Variants in STX16 observed in about 807,000 individuals in gnomAD.
STX16 encodes syntaxin-16.
Under a neutral mutation model 42.7 loss-of-function variants are expected in STX16, and 28 were observed. The observed-to-expected ratio is 0.66, with a 90% CI of 0.49 to 0.90. The LOEUF (loss-of-function observed/expected upper bound fraction) is 0.90. Ranked by LOEUF, STX16 falls within the 40% of genes least tolerant of loss-of-function variation. The pLI, the probability that STX16 is intolerant of heterozygous loss-of-function variation, is 0.00. For missense variants in STX16, 361 were observed against 420.9 expected (o/e 0.86, Z 1.24); for synonymous variants, 156 against 155.2 (o/e 1.00, Z -0.04).
chr20:58,667,240 G>A (rs1040692636), intron 2 of STX16: 4 of 590,020 alleles, frequency 6.8e-6, no homozygotes, highest in Non-Finnish European at 1.3e-5. Context: ...TATGTCCAAG[G>A]AAATTAAGAG....
intron 2 of STX16, among the ~76,000 whole-genome samples, chr20:58,662,491 A>C (rs1295586669): frequency 6.6e-6 from 1 of 152,130 alleles, no homozygotes; most frequent in East Asian, 1.9e-4. Context: ...AAGTGTTTTT[A>C]TCTCTATATT....
chr20:58,659,691 C>T, intron 2 of STX16, 57 bp downstream of exon 2: 1 of 1,580,522 alleles, frequency 6.3e-7, no homozygotes, highest in Non-Finnish European at 8.7e-7. Context: ...AAAATACCTA[C>T]TTTTCCTGAA....
chr20:58,651,970 G>C lies in STX16; in HGVS notation c.-37G>C. The stretch of plus-strand genomic sequence containing the variant: ...GAATAAATCAGGAATATAAGTGGGC[G>C]GGGGGCCCCTGAGAGGGGGGTCGCA... On this transcript the variant is annotated 5_prime_UTR_variant, in exon 1 of 9. Coordinates refer to ENST00000371141, the MANE Select transcript of STX16 (RefSeq NM_001001433.3). 1 of 1,607,964 alleles carries C rather than the reference G, an allele frequency of 6.2e-7. No individual in the cohort carries two copies. Among genetic ancestry groups the C allele is most frequent in the Non-Finnish European group, 8.5e-7 (1 of 1,174,944 alleles).
rs868581370 is a variant in STX16 at position 58,657,117 on chromosome 20, A to T, written c.133-2506A>T. Among the ~76,000 whole-genome samples the T allele has an allele frequency of 6.6e-6, 1 of 152,212 alleles. No individual in the cohort carries two copies. The highest frequency in any genetic ancestry group is 1.5e-5 in the Non-Finnish European group (1 of 68,026). ...GGAAAATGGAAGGACCTATTGTTTT[A>T]AAACAATTTTTTTTCTTGCAATAGG... On this transcript the variant is annotated intron_variant, in intron 1 of 8. Coordinates refer to ENST00000371141, the MANE Select transcript of STX16 (RefSeq NM_001001433.3). The surrounding 1 kb of genome is among the most constrained non-coding windows in gnomAD (Gnocchi z 4.2).
chr20:58,673,770 G>C (rs544445128), intron 8 of STX16, 59 bp downstream of exon 8: 1 of 1,239,266 alleles, frequency 8.1e-7, no homozygotes, highest in East Asian at 2.4e-5. Context: ...ATCAAGAATT[G>C]GTAAGAGGGT....
chr20:58,661,937 T>C (rs2083710240), intron 2 of STX16, among the ~76,000 whole-genome samples: 1 of 152,222 alleles, frequency 6.6e-6, no homozygotes, highest in Non-Finnish European at 1.5e-5. Context: ...CTTCAGAGGC[T>C]TCCTGCAGTC....
chr20:58,675,125 G>A (rs1237509643), intron 8 of STX16, among the ~76,000 whole-genome samples: 1 of 152,172 alleles, frequency 6.6e-6, no homozygotes, highest in South Asian at 2.1e-4. Flanking sequence ...TAGTCTAAGG[G>A]TGATTGAGCG....
rs541653755 is a variant in STX16, at chr20:58,665,939, T to A, written c.145-1551T>A. ...AACCACTCCAGGGCATGCAGGGAGG[T>A]TGATGGTGAAGATACCAATTTGCTT... On this transcript the variant is annotated intron_variant, in intron 2 of 8. Transcript: ENST00000371141. Among the ~76,000 whole-genome samples, 3 of 152,142 alleles carry A rather than the reference T, an allele frequency of 2.0e-5. No homozygotes were observed. In the East Asian group the frequency reaches 5.8e-4, roughly 29 times the overall value.
At chr20:58,659,702 G>A (rs2083655283) in intron 2 of STX16, 68 bp downstream of exon 2, 1 of 1,546,362 alleles carries the variant, frequency 6.5e-7, no homozygotes. Context: ...TTTTCCTGAA[G>A]TCTTTGCTCA....
rs1290024805 is a variant in STX16 at position 58,667,569 on chromosome 20, C to T, written c.224C>T (p.Pro75Leu). 6 of 1,614,026 alleles carry T rather than the reference C, an allele frequency of 3.7e-6. No individual in the cohort carries two copies. In the East Asian group the frequency reaches 8.9e-5, roughly 24 times the overall value. ...GCGATTGGTGTGACAAAACGGCCAC[C>T]TCCTAAGTGGGTGGATGGAGTGGAT... ...EAAIGVTKRP[P>L]PKWVDGVDEI... Residue 75 changes from proline to leucine, a missense_variant, in exon 3 of 9, where the codon CCT becomes CTT. Physicochemically the swap from Pro to Leu is moderately conservative, Grantham distance 98. Coordinates refer to ENST00000371141, the MANE Select transcript of STX16 (RefSeq NM_001001433.3).
intron 2 of STX16, among the ~76,000 whole-genome samples, chr20:58,666,031 G>A (rs1469902246): frequency 6.6e-6 from 1 of 152,054 alleles, no homozygotes; most frequent in Admixed American, 6.6e-5. Context: ...TTTATTCTAA[G>A]TTTTTCTTTA....
intron 2 of STX16, among the ~76,000 whole-genome samples, chr20:58,663,607 C>A (rs547100443): frequency 6.6e-6 from 1 of 151,876 alleles, no homozygotes; most frequent in Admixed American, 6.6e-5. Flanking sequence ...ATTCTTAATT[C>A]TCTTAAGTAC....
rs80065704 is a variant in STX16 at position 58,654,815 on chromosome 20, A to G, written c.132+2677A>G. Among the ~76,000 whole-genome samples the G allele has an allele frequency of 2.2e-4, 34 of 152,342 alleles. No individual in the cohort carries two copies. The East Asian group carries it at 6.4e-3, about 29-fold the overall frequency. On this transcript the variant is annotated intron_variant, in intron 1 of 8. Transcript: ENST00000371141. Reference sequence around the variant, plus strand: ...TGAAATGTTTAGTGGTGAAATGTCAAGGCATCTTACCTAAGTCCTTAAACC... The same window carrying G: ...TGAAATGTTTAGTGGTGAAATGTCAGGGCATCTTACCTAAGTCCTTAAACC...
intron 3 of STX16, 131 bp downstream of exon 3, chr20:58,667,728 G>T: frequency 1.1e-6 from 1 of 930,694 alleles, no homozygotes; most frequent in Admixed American, 2.2e-5. Flanking sequence ...TTAGCTTTAG[G>T]TTAAGTTGTC....
At chr20:58,669,622 C>G (rs967711620) in intron 5 of STX16, among the ~76,000 whole-genome samples, 169 bp downstream of exon 5, 1 of 152,174 alleles carries the variant, frequency 6.6e-6, no homozygotes, top group Non-Finnish European at 1.5e-5. Context: ...GAAACCCTGG[C>G]TTGGAATGAA....
At chr20:58,671,121 A>G in intron 6 of STX16, 33 bp from the exon 7 acceptor site, 1 of 1,567,082 alleles carries the variant, frequency 6.4e-7, no homozygotes, top group South Asian at 1.2e-5. Flanking sequence ...AGGGAAAACA[A>G]TCTATCCAAC....
At chr20:58,676,147 TG>T (rs1482763960) in intron 8 of STX16, 39 bp from the exon 9 acceptor site, 1 of 1,562,902 alleles carries the variant, frequency 6.4e-7, no homozygotes, top group Admixed American at 1.7e-5. Flanking sequence ...TTTGGGATTT[TG>T]GGGAAAATGA....
intron 6 of STX16, 26 bp from the exon 7 acceptor site, chr20:58,671,128 C>T (rs1185464872): frequency 6.3e-7 from 1 of 1,599,630 alleles, no homozygotes; most frequent in Non-Finnish European, 8.5e-7. Flanking sequence ...ACAATCTATC[C>T]AACACATTGT....
intron 1 of STX16, 127 bp from the exon 2 acceptor site, chr20:58,659,496 A>G (rs2083651073): frequency 1.1e-6 from 1 of 873,608 alleles, no homozygotes; most frequent in African/African-American, 1.7e-5. Context: ...GGATCTTTAT[A>G]TTTAGTCAGC....
Sources: gnomAD v4.1 joint callset for allele counts (sites outside exome capture counted in the v4.1 genomes callset) on GRCh38, gnomAD v4.1.1 for gene constraint, Gnocchi (gnomAD v3.1) non-coding constraint, MANE v1.5 for transcripts, NCBI Gene and HGNC (gene_info 2026-07-23, HGNC 2026-07-21) for gene names.